Variants in RALGAPA2 observed in about 807,000 individuals in gnomAD.
RALGAPA2 encodes Ral GTPase activating protein catalytic subunit alpha 2.
A neutral mutation model predicts 230.4 loss-of-function variants in RALGAPA2; 139 were observed. The observed-to-expected ratio is 0.60, with a 90% confidence interval of 0.53 to 0.69. The LOEUF (loss-of-function observed/expected upper bound fraction) is 0.69, where lower values mean the gene tolerates loss of function less well. RALGAPA2 is among the 30% of genes least tolerant of loss of function. RALGAPA2 has a pLI of 0.00. For synonymous variants in RALGAPA2, 847 were observed against 837.8 expected (o/e 1.01, Z -0.19); for missense variants, 2,163 against 2,276.0 (o/e 0.95, Z 1.01).
chr20:20,544,204 G>C (rs937929195), intron 24 of RALGAPA2, among the ~76,000 whole-genome samples: 3 of 151,964 alleles, frequency 2.0e-5, no homozygotes, highest in Non-Finnish European at 2.9e-5. Context: ...AGAGGATCAC[G>C]AGATCAGGAG....
chr20:20,676,282 T>A lies in RALGAPA2; in HGVS notation c.224A>T (p.Asn75Ile). ...LENSLKLKGNNKSQREELDSI... is the reference protein window; with the variant it reads ...LENSLKLKGNIKSQREELDSI... The stretch of plus-strand genomic sequence containing the variant: ...GTCCAGCTCCTCCCTTTGTGACTTA[T>A]TATTCCCTGGAATATTAAAAAATAA... The change falls in exon 3 of 40, where the codon AAT (asparagine) becomes ATT (isoleucine). Residue 75 changes from asparagine (N) to isoleucine (I), a missense_variant. By Grantham distance (149) the Asn-to-Ile change is moderately radical. Coordinates refer to ENST00000202677, the MANE Select transcript of RALGAPA2 (RefSeq NM_020343.4). The A allele has an allele frequency of 6.4e-7, 1 of 1,562,116 alleles. No individual in the cohort carries two copies. The highest frequency in any genetic ancestry group is 8.8e-7 in the Non-Finnish European group (1 of 1,138,454).
chr20:20,567,323 G>C (rs187665500), intron 23 of RALGAPA2, among the ~76,000 whole-genome samples: 16 of 152,242 alleles, frequency 1.1e-4, no homozygotes, highest in Non-Finnish European at 7.3e-5. Context: ...AACTATTTTG[G>C]GGAATTCTGA....
intron 37 of RALGAPA2, among the ~76,000 whole-genome samples, chr20:20,444,212 G>A (rs911523757): frequency 6.6e-6 from 1 of 152,200 alleles, no homozygotes; most frequent in Non-Finnish European, 1.5e-5. Flanking sequence ...AGGACCTCCA[G>A]GGGCCTGTAA....
At chr20:20,593,007 C>T (rs946768415) in intron 16 of RALGAPA2, among the ~76,000 whole-genome samples, 3 of 152,084 alleles carry the variant, frequency 2.0e-5, no homozygotes, top group Admixed American at 6.5e-5. Flanking sequence ...ACACTCGACC[C>T]CCCTGGCTCA....
intron 23 of RALGAPA2, among the ~76,000 whole-genome samples, chr20:20,558,488 T>G (rs1291972738): frequency 6.6e-6 from 1 of 152,138 alleles, no homozygotes; most frequent in Admixed American, 6.6e-5. Flanking sequence ...ACACGTTAAC[T>G]CCTACTCTCA....
chr20:20,632,955 CT>C (rs530963909), intron 9 of RALGAPA2, among the ~76,000 whole-genome samples: 142 of 146,538 alleles, frequency 9.7e-4, no homozygotes, highest in Non-Finnish European at 9.4e-4. Context: ...AAATCTTTCA[CT>C]TTTTTTTTTT....
intron 1 of RALGAPA2, among the ~76,000 whole-genome samples, chr20:20,709,629 C>T (rs558838508): frequency 2.0e-5 from 3 of 152,080 alleles, no homozygotes; most frequent in African/African-American, 4.8e-5. Context: ...ATAAGTAAAC[C>T]GTCTGCTACA....
At chr20:20,699,658 A>T (rs988827845) in intron 1 of RALGAPA2, among the ~76,000 whole-genome samples, 1 of 152,228 alleles carries the variant, frequency 6.6e-6, no homozygotes, top group Non-Finnish European at 1.5e-5. Context: ...ACATGAACAG[A>T]TATGTCACAA....
chr20:20,428,958 C>T (rs1307793086), intron 37 of RALGAPA2, among the ~76,000 whole-genome samples: 2 of 151,932 alleles, frequency 1.3e-5, no homozygotes, highest in Admixed American at 6.6e-5. Context: ...TTCTAAAACC[C>T]ATCATAGTGA....
At chr20:20,664,368 GA>G (rs1484683851) in intron 3 of RALGAPA2, among the ~76,000 whole-genome samples, 1 of 152,034 alleles carries the variant, frequency 6.6e-6, no homozygotes, top group East Asian at 1.9e-4. Flanking sequence ...TCTTTTTAAA[GA>G]AAAAAATCAC....
At position 20,532,608 on chromosome 20, in the gene RALGAPA2, C is replaced by G. The variant is rs958563659; in HGVS notation, c.3474-813G>C. Among the ~76,000 whole-genome samples, 5 of 152,170 alleles carry G rather than the reference C, an allele frequency of 3.3e-5. No homozygotes were observed. The East Asian group carries it at 9.7e-4, about 29-fold the overall frequency. The stretch of plus-strand genomic sequence containing the variant: ...TCAGTTATGGTTGTGTTAAAACATT[C>G]AAGTTGAGATGTCAAGTAGGCCGTT... On this transcript the variant is annotated intron_variant, in intron 26 of 39. Transcript: ENST00000202677.
Position 20,620,445 on chromosome 20 carries a change from A to T in RALGAPA2, c.1401+18T>A. 6.2e-7 allele frequency: 1 copy of T among 1,611,464 alleles called. No individual in the cohort carries two copies. The highest frequency in any genetic ancestry group is 1.7e-5 in the Admixed American group (1 of 59,636). ...AATATATTTACCCTCAACTCAAAAG[A>T]CAAGTGAAAAAAATTACCTCCTTGC... On this transcript the variant is annotated intron_variant, in intron 11 of 39. Transcript: ENST00000202677.
intron 37 of RALGAPA2, among the ~76,000 whole-genome samples, chr20:20,468,200 A>G (rs890866124): frequency 1.3e-5 from 2 of 152,232 alleles, no homozygotes; most frequent in African/African-American, 4.8e-5. Flanking sequence ...TCTGCCAGCC[A>G]GGAATTTATC....
intron 24 of RALGAPA2, among the ~76,000 whole-genome samples, chr20:20,544,876 G>C (rs187965410): frequency 2.6e-5 from 4 of 152,026 alleles, no homozygotes; most frequent in African/African-American, 7.3e-5. Context: ...GTCAGGGGGT[G>C]GGGGGCAAGG....
chr20:20,646,116 G>A (rs967993497), intron 4 of RALGAPA2, among the ~76,000 whole-genome samples: 30 of 151,534 alleles, frequency 2.0e-4, no homozygotes, highest in African/African-American at 4.9e-4. Context: ...GTGCAGTGGC[G>A]CGATCTCAGC....
chr20:20,707,598 A>T (rs764742099), intron 1 of RALGAPA2, among the ~76,000 whole-genome samples: 60 of 152,196 alleles, frequency 3.9e-4, no homozygotes, highest in Admixed American at 2.1e-3. Flanking sequence ...GAGCAACATG[A>T]GCAACATATG....
In RALGAPA2 at chr20:20,389,967, A is replaced by G. The variant is rs1474668992; in HGVS notation, c.*3322T>C. 1 of 152,172 alleles carries G rather than the reference A, an allele frequency of 6.6e-6. No individual in the cohort carries two copies. The highest frequency in any genetic ancestry group is 1.5e-5 in the Non-Finnish European group (1 of 68,024). The allele number at this position is 152,172 out of a possible 1,614,324, so 9.4% of individuals were successfully genotyped here. A position where few individuals can be genotyped will look rare whatever the true frequency, so the allele number is the denominator to read the frequency against. On this transcript the variant is annotated 3_prime_UTR_variant, in exon 40 of 40. Coordinates refer to ENST00000202677, the MANE Select transcript of RALGAPA2 (RefSeq NM_020343.4). ...GAAAACATAAGGAAACATTCACTTC[A>G]TGTGTATGTCATATGGACAGACTGA... is the stretch of plus-strand genomic sequence containing the variant.
At chr20:20,546,630 G>C in intron 24 of RALGAPA2, 74 bp downstream of exon 24, 4 of 1,490,022 alleles carry the variant, frequency 2.7e-6, no homozygotes. Context: ...CCTGTTAAGA[G>C]TGGAGAAATC....
chr20:20,573,154 T>G (rs2064705253), intron 20 of RALGAPA2, 86 bp from the exon 21 acceptor site: 2 of 1,209,292 alleles, frequency 1.7e-6, no homozygotes, highest in Non-Finnish European at 1.1e-6. Flanking sequence ...ACCTTAGGTA[T>G]TCAAAGTAAA....
Sources: gnomAD v4.1 joint callset for allele counts (sites outside exome capture counted in the v4.1 genomes callset) on GRCh38, gnomAD v4.1.1 for gene constraint, MANE v1.5 for transcripts, NCBI Gene and HGNC (gene_info 2026-07-23, HGNC 2026-07-21) for gene names.